Variants in AGBL4 observed in about 807,000 individuals in gnomAD.
The protein encoded by AGBL4 is cytosolic carboxypeptidase 6.
A neutral mutation model predicts 66.4 loss-of-function variants in AGBL4; 58 were observed. The ratio of observed to expected loss-of-function variants is 0.87; its 90% CI spans 0.71 to 1.09. AGBL4 has a LOEUF of 1.09. AGBL4 is among the 50% of genes least tolerant of loss of function. The pLI, the probability that AGBL4 is intolerant of heterozygous loss-of-function variation, is 0.00. For synonymous variants in AGBL4, 234 were observed against 222.9 expected (o/e 1.05, Z -0.44); for missense variants, 579 against 631.0 (o/e 0.92, Z 0.88).
chr1:49,856,641 A>C (rs1646440532), intron 1 of AGBL4, among the ~76,000 whole-genome samples: 2 of 152,148 alleles, frequency 1.3e-5, no homozygotes, highest in African/African-American at 4.8e-5. Context: ...TGATCACCTT[A>C]ATAGATAAAG....
At chr1:49,561,134 A>C (rs903056206) in intron 3 of AGBL4, among the ~76,000 whole-genome samples, 4 of 152,112 alleles carry the variant, frequency 2.6e-5, no homozygotes, top group Admixed American at 6.6e-5. Flanking sequence ...CCAATTAAAA[A>C]TAATAACTAC....
chr1:49,444,955 CT>C (rs1408999622), intron 3 of AGBL4, among the ~76,000 whole-genome samples: 1 of 147,930 alleles, frequency 6.8e-6, no homozygotes, highest in East Asian at 2.0e-4. Context: ...TTTTTTTTTT[CT>C]TTTTTTACTT....
chr1:48,644,674 G>C (rs1367383319), intron 8 of AGBL4, among the ~76,000 whole-genome samples: 1 of 152,236 alleles, frequency 6.6e-6, no homozygotes, highest in Non-Finnish European at 1.5e-5. Flanking sequence ...AGGAAGGCAA[G>C]AGGAACAGAT....
chr1:49,440,425 G>A (rs1286702587), intron 3 of AGBL4, among the ~76,000 whole-genome samples: 1 of 152,142 alleles, frequency 6.6e-6, no homozygotes, highest in East Asian at 1.9e-4. Flanking sequence ...GAACTGTATA[G>A]AGAGTTATGT....
chr1:48,866,120 C>T (rs1648044908), intron 6 of AGBL4, among the ~76,000 whole-genome samples: 1 of 152,084 alleles, frequency 6.6e-6, no homozygotes, highest in South Asian at 2.1e-4. Context: ...GTTGCAGTCA[C>T]TTTTTTATAC....
chr1:48,691,908 C>T (rs1646639312), intron 6 of AGBL4, among the ~76,000 whole-genome samples: 2 of 152,142 alleles, frequency 1.3e-5, no homozygotes, highest in African/African-American at 4.8e-5. Flanking sequence ...TTTGCTTTGC[C>T]TTTTACTGGA....
intron 2 of AGBL4, among the ~76,000 whole-genome samples, chr1:49,735,119 C>A (rs925005705): frequency 6.6e-6 from 1 of 152,088 alleles, no homozygotes; most frequent in Non-Finnish European, 1.5e-5. Context: ...GAATAATCAG[C>A]CCCACAAAAG....
chr1:49,917,532 A>T (rs1481589543), intron 1 of AGBL4, among the ~76,000 whole-genome samples: 3 of 152,220 alleles, frequency 2.0e-5, no homozygotes, highest in Non-Finnish European at 4.4e-5. Context: ...AAGAAGAGCT[A>T]ACTATCCTAA....
intron 5 of AGBL4, among the ~76,000 whole-genome samples, chr1:48,951,135 T>G (rs1656948429): frequency 6.6e-6 from 1 of 152,212 alleles, no homozygotes; most frequent in African/African-American, 2.4e-5. Context: ...GAGCTAAGTC[T>G]AGACTCAGCT....
chr1:48,768,307 A>G (rs1292134249), intron 6 of AGBL4, among the ~76,000 whole-genome samples: 1 of 152,190 alleles, frequency 6.6e-6, no homozygotes, highest in Non-Finnish European at 1.5e-5. Flanking sequence ...CCTGTTGCCA[A>G]ACTCCTGAAC....
At chr1:49,157,050 T>C (rs1404278804) in intron 4 of AGBL4, among the ~76,000 whole-genome samples, 1 of 152,224 alleles carries the variant, frequency 6.6e-6, no homozygotes, top group Admixed American at 6.5e-5. Flanking sequence ...TTCATTCTTT[T>C]AATGAGAAAA....
At chr1:49,134,283 C>CCACTG (rs1199088518) in intron 4 of AGBL4, among the ~76,000 whole-genome samples, 1 of 152,100 alleles carries the variant, frequency 6.6e-6, no homozygotes, top group East Asian at 1.9e-4. Context: ...GTTCCATGTA[C>CCACTG]CACTGTGCAC....
At chr1:48,540,897 A>C (rs2354469) in intron 11 of AGBL4, among the ~76,000 whole-genome samples, 104,480 of 151,516 alleles carry the variant, frequency 0.69, 36,363 homozygotes, top group Non-Finnish European at 0.75. Context: ...TCCATTTTCT[A>C]CCGTGCAGCC....
chr1:49,172,157 C>A (rs577592933), intron 4 of AGBL4, among the ~76,000 whole-genome samples: 40 of 152,260 alleles, frequency 2.6e-4, no homozygotes, highest in South Asian at 8.3e-4. Context: ...TCCTTATGAT[C>A]TAATAGAGGA....
chr1:49,087,036 GA>G (rs113009966), intron 4 of AGBL4, among the ~76,000 whole-genome samples: 1,716 of 138,990 alleles, frequency 0.012, 17 homozygotes, highest in Non-Finnish European at 0.019. Context: ...GAAGGTAAAA[GA>G]AAAAAAAAAA....
At chr1:48,884,019 C>A (rs1650047577) in intron 5 of AGBL4, among the ~76,000 whole-genome samples, 1 of 152,190 alleles carries the variant, frequency 6.6e-6, no homozygotes, top group Non-Finnish European at 1.5e-5. Flanking sequence ...CCTTCCTGCT[C>A]CTAGCCTGCT....
chr1:49,813,849 T>C (rs1043648433), intron 2 of AGBL4, among the ~76,000 whole-genome samples: 3 of 152,108 alleles, frequency 2.0e-5, no homozygotes, highest in African/African-American at 7.2e-5. Context: ...CCAAATCTCA[T>C]CTTGAATTGT....
At chr1:49,222,789 C>T (rs997592197) in intron 4 of AGBL4, among the ~76,000 whole-genome samples, 1 of 152,112 alleles carries the variant, frequency 6.6e-6, no homozygotes, top group Non-Finnish European at 1.5e-5. Flanking sequence ...CTCTAAATAA[C>T]CATCCAAAAG....
chr1:49,852,120 T>G lies in AGBL4; in HGVS notation c.35-602A>C, dbSNP rs191368465. On this transcript the variant is annotated intron_variant, in intron 1 of 13. Coordinates refer to ENST00000371839, the MANE Select transcript of AGBL4 (RefSeq NM_032785.4). ...AAGATGTAGAAAAATGGAAAGAGCA[T>G]CCCTTCTACCCTAACAACAACAAAT... Among the ~76,000 whole-genome samples, 69 of 152,194 alleles carry G rather than the reference T, an allele frequency of 4.5e-4. 1 individual carries two copies. Among genetic ancestry groups the G allele is most frequent in the African/African-American group, 1.5e-3 (62 of 41,530 alleles).
Sources: allele counts gnomAD v4.1 joint callset (sites outside exome capture counted in the v4.1 genomes callset), GRCh38; gene constraint gnomAD v4.1.1; transcripts MANE v1.5; gene names NCBI Gene and HGNC (gene_info 2026-07-23, HGNC 2026-07-21).